LINGO2: variants seen among roughly 807,000 people sequenced by gnomAD.
LINGO2 encodes leucine-rich repeat and immunoglobulin-like domain-containing nogo receptor-interacting protein 2.
Under a neutral mutation model 30.6 loss-of-function variants are expected in LINGO2, and 14 were observed. The observed-to-expected ratio is 0.46, with a 90% CI of 0.30 to 0.72. The LOEUF is 0.72. Among genes scored for constraint, LINGO2 ranks in the 30% least tolerant of loss-of-function variants. LINGO2 has a pLI of 0.07. For missense variants in LINGO2, 729 were observed against 751.7 expected (o/e 0.97, Z 0.35); for synonymous variants, 317 against 288.5 (o/e 1.10, Z -1.00).
At chr9:28,717,341 C>G in the LINGO2 span, among the ~76,000 whole-genome samples, 6 of 121,628 alleles carry the variant, frequency 4.9e-5, no homozygotes, top group Admixed American at 9.3e-5. Flanking sequence ...AGACCCTAAT[C>G]TAAAAAAAAA....
At chr9:28,944,323 T>C in the LINGO2 span, among the ~76,000 whole-genome samples, 2 of 151,344 alleles carry the variant, frequency 1.3e-5, no homozygotes, top group Admixed American at 6.6e-5. Flanking sequence ...AAGCCAAACC[T>C]AGATACAAAG....
At chr9:29,166,054 T>G in the LINGO2 span, among the ~76,000 whole-genome samples, 1 of 152,122 alleles carries the variant, frequency 6.6e-6, no homozygotes, top group African/African-American at 2.4e-5. Flanking sequence ...TATAATCAAT[T>G]TATTTCATCA....
intron 1 of LINGO2, among the ~76,000 whole-genome samples, chr9:28,529,231 T>C (rs528382473): frequency 1.3e-5 from 2 of 152,206 alleles, no homozygotes; most frequent in South Asian, 2.1e-4. Context: ...TGCAAGCCCA[T>C]TTTGATTGTG....
chr9:28,795,109 C>A, the LINGO2 span, among the ~76,000 whole-genome samples: 1 of 152,124 alleles, frequency 6.6e-6, no homozygotes, highest in African/African-American at 2.4e-5. Context: ...GCTGGGATTA[C>A]AGGTGTGAGC....
intron 2 of LINGO2, among the ~76,000 whole-genome samples, chr9:28,434,006 A>G (rs1823810171): frequency 6.7e-6 from 1 of 149,464 alleles, no homozygotes; most frequent in African/African-American, 2.5e-5. Flanking sequence ...CTACTATGGA[A>G]TACTACTCAT....
chr9:28,669,011 A>T (rs961671295), intron 1 of LINGO2, among the ~76,000 whole-genome samples: 24 of 152,224 alleles, frequency 1.6e-4, no homozygotes, highest in Non-Finnish European at 2.6e-4. Flanking sequence ...TTTAATTTTT[A>T]AAAAATTTGA....
intron 4 of LINGO2, among the ~76,000 whole-genome samples, chr9:28,103,847 T>A (rs1282086074): frequency 6.6e-6 from 1 of 152,078 alleles, no homozygotes; most frequent in Non-Finnish European, 1.5e-5. Context: ...ACCCAGAGAG[T>A]TCATTTAAAC....
chr9:28,823,974 T>G, the LINGO2 span, among the ~76,000 whole-genome samples: 5 of 151,886 alleles, frequency 3.3e-5, no homozygotes, highest in African/African-American at 1.2e-4. Context: ...TCAGGAAAAA[T>G]ATATACATAC....
chr9:28,548,421 TG>T (rs1377649489), intron 1 of LINGO2, among the ~76,000 whole-genome samples: 3 of 152,030 alleles, frequency 2.0e-5, no homozygotes, highest in African/African-American at 4.8e-5. Flanking sequence ...AAGAATTATT[TG>T]GGGCCGGGTG....
At chr9:28,805,912 T>A in the LINGO2 span, among the ~76,000 whole-genome samples, 1 of 152,138 alleles carries the variant, frequency 6.6e-6, no homozygotes, top group African/African-American at 2.4e-5. Flanking sequence ...CATTTTCTCA[T>A]ATTATTCTAT....
chr9:28,220,521 T>C (rs1820919857), intron 4 of LINGO2, among the ~76,000 whole-genome samples: 1 of 152,210 alleles, frequency 6.6e-6, no homozygotes, highest in South Asian at 2.1e-4. Context: ...TTTGGATTTA[T>C]TTAGAAATGT....
At chr9:29,181,302 G>A in the LINGO2 span, among the ~76,000 whole-genome samples, 1 of 152,112 alleles carries the variant, frequency 6.6e-6, no homozygotes, top group Non-Finnish European at 1.5e-5. Context: ...GTTCTTTGTA[G>A]AAAAGAGTAG....
chr9:29,111,835 A>T, the LINGO2 span, among the ~76,000 whole-genome samples: 59 of 147,774 alleles, frequency 4.0e-4, no homozygotes, highest in Non-Finnish European at 7.2e-4. Flanking sequence ...ATATATATAT[A>T]TGTGTGTGTA....
chr9:28,894,753 T>C, the LINGO2 span, among the ~76,000 whole-genome samples: 1 of 152,078 alleles, frequency 6.6e-6, no homozygotes, highest in Non-Finnish European at 1.5e-5. Flanking sequence ...AAATTGCATA[T>C]ATTTATCATG....
At chr9:28,355,991 A>G (rs1820193911) in intron 3 of LINGO2, among the ~76,000 whole-genome samples, 2 of 152,188 alleles carry the variant, frequency 1.3e-5, no homozygotes, top group African/African-American at 4.8e-5. Flanking sequence ...GGATGTTACA[A>G]TGACACTTAC....
At chr9:28,901,058 A>G in the LINGO2 span, among the ~76,000 whole-genome samples, 1 of 152,210 alleles carries the variant, frequency 6.6e-6, no homozygotes, top group Non-Finnish European at 1.5e-5. Context: ...AGAAAATCTT[A>G]AAAACAATAA....
the LINGO2 span, among the ~76,000 whole-genome samples, chr9:28,831,057 G>T: frequency 6.6e-6 from 1 of 152,154 alleles, no homozygotes; most frequent in Non-Finnish European, 1.5e-5. Context: ...GAAAATGGTG[G>T]ATTTCTTTTG....
intron 5 of LINGO2, among the ~76,000 whole-genome samples, chr9:28,005,214 A>T (rs1346414993): frequency 6.6e-6 from 1 of 152,204 alleles, no homozygotes; most frequent in Admixed American, 6.5e-5. Context: ...AGTGGTCCTC[A>T]GCCAAATAAT....
At chr9:28,273,858 C>G (rs1230396027) in intron 4 of LINGO2, among the ~76,000 whole-genome samples, 2 of 152,102 alleles carry the variant, frequency 1.3e-5, no homozygotes, top group African/African-American at 4.8e-5. Context: ...CTATCAAAGG[C>G]CAGATACTAG....
Sources: allele counts gnomAD v4.1 joint callset (sites outside exome capture counted in the v4.1 genomes callset), GRCh38; gene constraint gnomAD v4.1.1; transcripts MANE v1.5; gene names NCBI Gene and HGNC (gene_info 2026-07-23, HGNC 2026-07-21).